Variants in ADAMTS20 observed in about 807,000 individuals in gnomAD.
The protein encoded by ADAMTS20 is A disintegrin and metalloproteinase with thrombospondin motifs 20.
In ADAMTS20, 225 loss-of-function variants were observed where a neutral mutation model predicts 260.1. The observed-to-expected ratio is 0.87, with a 90% CI of 0.78 to 0.97. ADAMTS20 has a LOEUF of 0.97. ADAMTS20 is among the 50% of genes least tolerant of loss of function. ADAMTS20 has a pLI of 0.00. For synonymous variants in ADAMTS20, 802 were observed against 769.5 expected, an observed-to-expected ratio of 1.04 and a Z score of -0.70; for missense variants, 2,400 against 2,337.7, an observed-to-expected ratio of 1.03 and a Z score of -0.55.
At chr12:43,543,476 G>A (rs970881759) in intron 2 of ADAMTS20, among the ~76,000 whole-genome samples, 6 of 152,080 alleles carry the variant, frequency 3.9e-5, no homozygotes, top group Non-Finnish European at 7.4e-5. Flanking sequence ...AGTCATGCTG[G>A]TCATGCTGTA....
At chr12:43,478,418 G>A (rs1264248716) in intron 7 of ADAMTS20, among the ~76,000 whole-genome samples, 1 of 151,920 alleles carries the variant, frequency 6.6e-6, no homozygotes, top group Non-Finnish European at 1.5e-5. Context: ...ATCTAATACA[G>A]ATGTAGTAGA....
At chr12:43,395,676 T>TC (rs1491501565) in intron 29 of ADAMTS20, among the ~76,000 whole-genome samples, 4 of 129,442 alleles carry the variant, frequency 3.1e-5, no homozygotes, top group South Asian at 2.7e-4. Flanking sequence ...TGTGTGAGAT[T>TC]CTTTTTTTTT....
intron 14 of ADAMTS20, among the ~76,000 whole-genome samples, chr12:43,451,132 A>G (rs368399751): frequency 6.6e-6 from 1 of 152,332 alleles, no homozygotes; most frequent in East Asian, 1.9e-4. Context: ...TTGTGACAAC[A>G]TGGATGAACC....
At chr12:43,430,316 T>G (rs746773495) in intron 23 of ADAMTS20, 36 bp downstream of exon 23, 1 of 1,589,148 alleles carries the variant, frequency 6.3e-7, no homozygotes, top group Non-Finnish European at 8.6e-7. Context: ...TTCTGTCTCA[T>G]AAATCTTTTT....
intron 28 of ADAMTS20, among the ~76,000 whole-genome samples, chr12:43,406,745 C>T (rs1940927213): frequency 6.6e-6 from 1 of 152,002 alleles, no homozygotes; most frequent in Non-Finnish European, 1.5e-5. Flanking sequence ...TGAGTTTATA[C>T]AACTACTTTG....
intron 3 of ADAMTS20, among the ~76,000 whole-genome samples, chr12:43,514,560 CAAAAAAAAAAAAAAAAAA>C (rs58435633): frequency 4.7e-5 from 3 of 63,658 alleles, no homozygotes; most frequent in East Asian, 1.2e-3. Flanking sequence ...GACTCTATCT[CAAAAAAAAAAAAAAAAAA>C]AAAAAAAAAA....
chr12:43,446,820 C>T (rs1003996479), intron 14 of ADAMTS20, 108 bp from the exon 15 acceptor site: 2 of 865,998 alleles, frequency 2.3e-6, no homozygotes, highest in African/African-American at 3.3e-5. Flanking sequence ...TTACCACTGA[C>T]CCCACAGAAA....
At chr12:43,481,732 AT>A (rs993048377) in intron 7 of ADAMTS20, among the ~76,000 whole-genome samples, 2 of 151,852 alleles carry the variant, frequency 1.3e-5, no homozygotes, top group African/African-American at 4.8e-5. Context: ...TTTTTGTTTT[AT>A]TTTTTTTCTC....
At chr12:43,373,931 G>A (rs1305904807) in intron 36 of ADAMTS20, among the ~76,000 whole-genome samples, 4 of 151,660 alleles carry the variant, frequency 2.6e-5, no homozygotes, top group South Asian at 2.1e-4. Context: ...CGCCCGCCTC[G>A]GCCTCCCAAA....
intron 29 of ADAMTS20, among the ~76,000 whole-genome samples, chr12:43,394,544 A>G (rs1784376262): frequency 1.3e-5 from 2 of 152,096 alleles, no homozygotes; most frequent in Non-Finnish European, 2.9e-5. Context: ...AATATTTCAC[A>G]TTTATGCAAC....
At chr12:43,491,487 T>C (rs932274490) in intron 6 of ADAMTS20, among the ~76,000 whole-genome samples, 4 of 152,208 alleles carry the variant, frequency 2.6e-5, no homozygotes, top group African/African-American at 4.8e-5. Context: ...CTGAGATTTC[T>C]TTTGAGTTTG....
Position 43,432,731 on chromosome 12 carries a change from T to C in ADAMTS20, c.2801A>G (p.Tyr934Cys), listed in dbSNP as rs1182043892. ...AACAGTCTGTCCTTCATGAATGGAA[T>C]ACTTCATGCAATGGATGTCCAAGGT... ...YRTLDIHCMK[Y>C]SIHEGQTVQV... The change falls in exon 20 of 39, where the codon TAT becomes TGT. Residue 934 changes from tyrosine to cysteine, a missense_variant. Tyr to Cys is a radical substitution (Grantham distance 194). Transcript: ENST00000389420. 2 of 1,613,742 alleles carry C rather than the reference T, an allele frequency of 1.2e-6. No homozygotes were observed. Among genetic ancestry groups the C allele is most frequent in the Non-Finnish European group, 1.7e-6 (2 of 1,179,640 alleles).
At chr12:43,503,564 TC>T (rs1348900362) in intron 3 of ADAMTS20, among the ~76,000 whole-genome samples, 1 of 152,150 alleles carries the variant, frequency 6.6e-6, no homozygotes, top group Non-Finnish European at 1.5e-5. Context: ...TTCTTTTTTT[TC>T]TATTTAATTT....
Position 43,552,190 on chromosome 12 carries a change from C to A in ADAMTS20, c.-269G>T, listed in dbSNP as rs907029955. ...AGAAACTCTCTGCTCAGGTTCAGCT[C>A]GGCGCGGGGAAGCAACTCGACCTAG... is the stretch of plus-strand genomic sequence containing the variant. On this transcript the variant is annotated 5_prime_UTR_variant, in exon 1 of 39. Coordinates refer to ENST00000389420, the MANE Select transcript of ADAMTS20 (RefSeq NM_025003.5). 6.6e-6 allele frequency among the ~76,000 whole-genome samples: 1 copy of A among 152,212 alleles called. No homozygotes were observed. The highest frequency in any genetic ancestry group is 1.5e-5 in the Non-Finnish European group (1 of 68,038).
At chr12:43,453,349 C>T (rs994314394) in intron 12 of ADAMTS20, among the ~76,000 whole-genome samples, 2 of 151,908 alleles carry the variant, frequency 1.3e-5, no homozygotes, top group Admixed American at 1.3e-4. Flanking sequence ...ATATATACAA[C>T]AAAAACATTA....
At chr12:43,501,075 T>TTTTTTTTA (rs1942752013) in intron 4 of ADAMTS20, among the ~76,000 whole-genome samples, 3 of 142,742 alleles carry the variant, frequency 2.1e-5, no homozygotes, top group Non-Finnish European at 3.0e-5. Context: ...TTTTTTTTTT[T>TTTTTTTTA]GAGTCATAGT....
At chr12:43,395,508 G>T (rs533927293) in intron 29 of ADAMTS20, among the ~76,000 whole-genome samples, 1 of 151,802 alleles carries the variant, frequency 6.6e-6, no homozygotes, top group South Asian at 2.1e-4. Flanking sequence ...AGGGGCTTTG[G>T]GTGGGGAGCA....
intron 2 of ADAMTS20, among the ~76,000 whole-genome samples, chr12:43,550,047 T>G (rs1943491242): frequency 6.6e-6 from 1 of 152,216 alleles, no homozygotes; most frequent in Non-Finnish European, 1.5e-5. Context: ...TGTTTTTTCT[T>G]GAATATGTAT....
Position 43,529,536 on chromosome 12 carries a change from G to T in ADAMTS20, c.613+2500C>A, listed in dbSNP as rs550640547. ...ATGGAGCTGGGGGCCATCATTCTAA[G>T]GGAAGTAATTTCAGGAATGAAAAAC... On this transcript the variant is annotated intron_variant, in intron 3 of 38. Coordinates refer to ENST00000389420, the MANE Select transcript of ADAMTS20 (RefSeq NM_025003.5). Among the ~76,000 whole-genome samples, 29 of 152,208 alleles carry T rather than the reference G, an allele frequency of 1.9e-4. 1 individual carries two copies. The highest frequency in any genetic ancestry group is 7.0e-4 in the African/African-American group (29 of 41,538).
Sources: gnomAD v4.1 joint callset for allele counts (sites outside exome capture counted in the v4.1 genomes callset) on GRCh38, gnomAD v4.1.1 for gene constraint, MANE v1.5 for transcripts, NCBI Gene and HGNC (gene_info 2026-07-23, HGNC 2026-07-21) for gene names.